Variants in SACS observed in about 807,000 individuals in gnomAD.
SACS encodes sacsin molecular chaperone, also known as sacsin.
SACS carries 197 observed loss-of-function variants against 348.0 expected under a neutral mutation model. That is an observed-to-expected ratio of 0.57 (90% CI 0.50 to 0.64). The LOEUF is 0.64. Ranked by LOEUF, SACS falls within the 30% of genes least tolerant of loss-of-function variation. The probability of loss-of-function intolerance (pLI) is 0.00; values close to 1 mark genes in which losing one functional copy is unlikely to be tolerated. For synonymous variants in SACS, 1,985 were observed against 1,910.6 expected (o/e 1.04, Z -1.02); for missense variants, 4,999 against 5,360.8 (o/e 0.93, Z 2.11).
Position 23,336,254 on chromosome 13 carries a change from G to A in SACS, c.7622C>T (p.Ser2541Phe). ...AAGCTCTTTCAACATTTCCTTTTCA[G>A]AAGGATATGCATTAAGGATGCTCTT... ...RIKSILNAYP[S>F]EKEMLKELLQ... Residue 2541 changes from serine (S) to phenylalanine (F), a missense_variant, in exon 10 of 10, where the codon TCT becomes TTT. Physicochemically the swap from Ser to Phe is radical, Grantham distance 155. This residue lies in a region of SACS where 3,156 missense variants were observed against 3,380.1 expected (regional missense o/e 0.93). Coordinates refer to ENST00000382292, the MANE Select transcript of SACS (RefSeq NM_014363.6). 1 of 1,614,028 alleles carries A rather than the reference G, an allele frequency of 6.2e-7. No homozygotes were observed. The highest frequency in any genetic ancestry group is 8.5e-7 in the Non-Finnish European group (1 of 1,179,932).
chr13:23,368,946 A>G (rs755944270), intron 4 of SACS, among the ~76,000 whole-genome samples: 77 of 152,160 alleles, frequency 5.1e-4, no homozygotes, highest in African/African-American at 7.2e-4. Context: ...TGATCCGCCC[A>G]CCTTGGCCTC....
intron 2 of SACS, among the ~76,000 whole-genome samples, chr13:23,409,040 C>CGTTTTTTTTTTTT (rs1873359626): frequency 2.8e-5 from 1 of 35,122 alleles, no homozygotes; most frequent in Non-Finnish European, 4.9e-5. Flanking sequence ...ACAAGTTTTA[C>CGTTTTTTTTTTTT]TTTTTTTTTT....
At chr13:23,345,416 C>T (rs1464431500) in intron 9 of SACS, among the ~76,000 whole-genome samples, 3 of 152,192 alleles carry the variant, frequency 2.0e-5, no homozygotes, top group Non-Finnish European at 4.4e-5. Context: ...CAGGGCCCAG[C>T]ATAAAAGTCC....
chr13:23,329,500 G>A lies in SACS; in HGVS notation c.*636C>T. On this transcript the variant is annotated 3_prime_UTR_variant, in exon 10 of 10. Coordinates refer to ENST00000382292, the MANE Select transcript of SACS (RefSeq NM_014363.6). ...AACAGGAAGCCTGTAAACATAAGATGTTAAAAAAAAATTTAAATAAAGATG... is the reference window on the plus strand; with the variant it reads ...AACAGGAAGCCTGTAAACATAAGATATTAAAAAAAAATTTAAATAAAGATG... The A allele has an allele frequency of 1.4e-6, 1 of 738,906 alleles. No individual in the cohort carries two copies. Among genetic ancestry groups the A allele is most frequent in the Non-Finnish European group, 2.5e-6 (1 of 403,422 alleles). The allele number at this position is 738,906 out of a possible 1,614,324, so 45.8% of individuals were successfully genotyped here.
At chr13:23,428,618 G>A (rs1350437601) in intron 1 of SACS, 1 of 152,176 alleles carries the variant, frequency 6.6e-6, no homozygotes, top group Admixed American at 6.5e-5. Context: ...TGAAGGTAAA[G>A]GAGAGTGCTA....
chr13:23,367,374 T>A (rs1336562971), intron 5 of SACS, among the ~76,000 whole-genome samples: 1 of 152,164 alleles, frequency 6.6e-6, no homozygotes, highest in Non-Finnish European at 1.5e-5. Flanking sequence ...GACCTAGTCC[T>A]GATTCCCTCA....
At chr13:23,356,591 A>T (rs746801641) in intron 7 of SACS, among the ~76,000 whole-genome samples, 9 of 152,230 alleles carry the variant, frequency 5.9e-5, no homozygotes, top group Non-Finnish European at 1.3e-4. Context: ...CATCTTTTGT[A>T]TAACATGGCC....
chr13:23,360,313 C>T (rs1178626887), intron 6 of SACS, among the ~76,000 whole-genome samples: 1 of 151,416 alleles, frequency 6.6e-6, no homozygotes, highest in Non-Finnish European at 1.5e-5. Flanking sequence ...CTTGTTCCTA[C>T]CCAACAGCTA....
chr13:23,428,111 T>C (rs1874267746), intron 1 of SACS: 1 of 152,202 alleles, frequency 6.6e-6, no homozygotes, highest in Non-Finnish European at 1.5e-5. Context: ...AGAATTGCCC[T>C]TGGTGATCTC....
rs1428167790 is a variant in SACS at position 23,333,053 on chromosome 13, C to T, written c.10823G>A (p.Ser3608Asn). 1 of 1,613,972 alleles carries T rather than the reference C, an allele frequency of 6.2e-7. No individual in the cohort carries two copies. Among genetic ancestry groups the T allele is most frequent in the South Asian group, 1.1e-5 (1 of 91,074 alleles). The change falls in exon 10 of 10, where the codon AGT (serine) becomes AAT (asparagine). Residue 3608 changes from serine to asparagine, a missense_variant. Ser to Asn is a conservative substitution (Grantham distance 46). Transcript: ENST00000382292. The stretch of plus-strand genomic sequence containing the variant: ...CCAGTTTTCTGTATTAGCCCTCACA[C>T]TGATTTCCTTAGCAAACTGTAACAA... ...QQLLQFAKEI[S>N]VRANTENWSK...
chr13:23,356,597 T>C (rs528660516), intron 7 of SACS, among the ~76,000 whole-genome samples: 38 of 152,234 alleles, frequency 2.5e-4, no homozygotes, highest in African/African-American at 8.2e-4. Flanking sequence ...TTGTATAACA[T>C]GGCCTCTAAA....
At chr13:23,349,409 T>C (rs2137684558) in intron 9 of SACS, among the ~76,000 whole-genome samples, 1 of 152,326 alleles carries the variant, frequency 6.6e-6, no homozygotes, top group South Asian at 2.1e-4. Context: ...TTTTGCAATA[T>C]TGATTTTGAA....
chr13:23,433,275 G>A (rs887059326), intron 1 of SACS, among the ~76,000 whole-genome samples: 2 of 152,088 alleles, frequency 1.3e-5, no homozygotes, highest in African/African-American at 4.8e-5. Flanking sequence ...ATGACAAAGC[G>A]GCTAGTCCAG....
At position 23,355,535 on chromosome 13, in the gene SACS, A is replaced by G. The variant is rs922749393; in HGVS notation, c.1077T>C (p.Tyr359=). ...TGTTATTGCTTGGAGTCTTTTTACAATAGTTACTTATAGCAGTTCCCAGAA... is the reference window on the plus strand; with the variant it reads ...TGTTATTGCTTGGAGTCTTTTTACAGTAGTTACTTATAGCAGTTCCCAGAA... ...IKILGTAISN[Y]CKKTPSNNIT... Residue 359 remains tyrosine (Y), a synonymous_variant, in exon 8 of 10, where the codon TAT becomes TAC. Coordinates refer to ENST00000382292, the MANE Select transcript of SACS (RefSeq NM_014363.6). 1.2e-6 allele frequency: 2 copies of G among 1,614,054 alleles called. No homozygotes were observed. The highest frequency in any genetic ancestry group is 2.2e-5 in the South Asian group (2 of 91,074).
intron 3 of SACS, among the ~76,000 whole-genome samples, chr13:23,374,408 T>C (rs1363774908): frequency 6.6e-6 from 1 of 152,228 alleles, no homozygotes; most frequent in East Asian, 1.9e-4. Flanking sequence ...GTATTATCTG[T>C]TCAACTCTTT....
chr13:23,371,014 C>CA (rs1235172518), intron 4 of SACS, 64 bp downstream of exon 4: 3 of 1,121,078 alleles, frequency 2.7e-6, no homozygotes, highest in Non-Finnish European at 3.9e-6. Flanking sequence ...AACAAACAAA[C>CA]AAAAAAACTC....
intron 1 of SACS, among the ~76,000 whole-genome samples, chr13:23,430,724 C>T (rs192905913): frequency 6.6e-6 from 1 of 152,266 alleles, no homozygotes; most frequent in Admixed American, 6.5e-5. Context: ...TTTCAGAACA[C>T]ATTAAAAGGC....
intron 9 of SACS, among the ~76,000 whole-genome samples, chr13:23,350,593 A>C (rs1237936297): frequency 6.6e-6 from 1 of 152,216 alleles, no homozygotes; most frequent in Non-Finnish European, 1.5e-5. Context: ...CATTTTATGC[A>C]GTAGTACTTC....
At chr13:23,349,079 A>T (rs562810342) in intron 9 of SACS, among the ~76,000 whole-genome samples, 3 of 152,388 alleles carry the variant, frequency 2.0e-5, no homozygotes, top group African/African-American at 7.2e-5. Flanking sequence ...GGCTAGATTT[A>T]TCCTGATAGA....
Sources: allele counts gnomAD v4.1 joint callset (sites outside exome capture counted in the v4.1 genomes callset), GRCh38; gene constraint gnomAD v4.1.1; regional missense constraint gnomAD v4.1.1; transcripts MANE v1.5; gene names NCBI Gene and HGNC (gene_info 2026-07-23, HGNC 2026-07-21).